TP53TG5: variants seen among roughly 807,000 people sequenced by gnomAD.
TP53TG5 encodes the protein TP53 target 5.
Under a neutral mutation model 30.0 loss-of-function variants are expected in TP53TG5, and 17 were observed. The observed-to-expected ratio is 0.57, with a 90% confidence interval of 0.39 to 0.85. TP53TG5 has a LOEUF of 0.85. Among genes scored for constraint, TP53TG5 ranks in the 40% least tolerant of loss-of-function variants. The pLI is 0.00. For missense variants in TP53TG5, 338 were observed against 367.9 expected (o/e 0.92, Z 0.67); for synonymous variants, 137 against 139.2 (o/e 0.98, Z 0.11).
At chr20:45,378,043 G>A (rs1196432626) in intron 1 of TP53TG5, 146 bp downstream of exon 1, 8 of 1,122,884 alleles carry the variant, frequency 7.1e-6, no homozygotes, top group Non-Finnish European at 9.0e-6. Flanking sequence ...ACAGAACTGG[G>A]AGACCATTTT....
At chr20:45,374,570 C>A in intron 4 of TP53TG5, 1 of 495,602 alleles carries the variant, frequency 2.0e-6, no homozygotes. Context: ...CCATGCCTAG[C>A]CTGTTCAGAG....
chr20:45,375,549 T>G lies in TP53TG5; in HGVS notation c.258A>C (p.Glu86Asp). The change falls in exon 4 of 5, where the codon GAA becomes GAC. Residue 86 changes from glutamate to aspartate, a missense_variant. Transcript: ENST00000372726. Reference sequence around the variant, plus strand: ...GTTTTGTTTTATTGCAGGCACTGTTTTCCCTGGCAGGGAGAGGAAAGGCAG... The same window carrying G: ...GTTTTGTTTTATTGCAGGCACTGTTGTCCCTGGCAGGGAGAGGAAAGGCAG... ...VPKILRISSG[E>D]NSACNKTKQN... is the part of the protein sequence containing the mutation. 1 of 1,604,646 alleles carries G rather than the reference T, an allele frequency of 6.2e-7. No homozygotes were observed. Among genetic ancestry groups the G allele is most frequent in the Non-Finnish European group, 8.5e-7 (1 of 1,178,816 alleles).
rs201572825 is a variant in TP53TG5 at position 45,375,554 on chromosome 20, T to C, written c.255-2A>G. On this transcript the variant is annotated splice_acceptor_variant, in intron 3 of 4. Coordinates refer to ENST00000372726, the MANE Select transcript of TP53TG5 (RefSeq NM_014477.3). LOFTEE classifies it high-confidence loss of function. ...GTTTTATTGCAGGCACTGTTTTCCC[T>C]GGCAGGGAGAGGAAAGGCAGTCAGC... The C allele has an allele frequency of 9.7e-5, 156 of 1,602,498 alleles. No homozygotes were observed. The Middle Eastern group carries it at 1.2e-3, about 12-fold the overall frequency.
In TP53TG5 at chr20:45,373,516, GA is replaced by G; in HGVS notation, c.*390del. ...TCATTTCGCCTTTTCCCTTTCTTGG[GA>G]AAATGGAATGGGGAGCAACCAGGAG... On this transcript the variant is annotated 3_prime_UTR_variant, in exon 5 of 5. Coordinates refer to ENST00000372726, the MANE Select transcript of TP53TG5 (RefSeq NM_014477.3). 3.9e-6 allele frequency: 1 copy of G among 253,648 alleles called. No homozygotes were observed. The highest frequency in any genetic ancestry group is 6.4e-5 in the South Asian group (1 of 15,714). 15.7% of individuals were successfully genotyped at this position (253,648 alleles called of 1,614,324 possible). A position where few individuals can be genotyped will look rare whatever the true frequency, so the allele number is the denominator to read the frequency against.
At position 45,373,357 on chromosome 20, in the gene TP53TG5, A is replaced by G; in HGVS notation, c.*550T>C. On this transcript the variant is annotated 3_prime_UTR_variant, in exon 5 of 5. Transcript: ENST00000372726. ...GGACACATTTGGAGGCCCAGCTGAC[A>G]TCCACTTTTTGACACCAGCCACAGT... The G allele has an allele frequency of 6.1e-6, 1 of 164,184 alleles. No homozygotes were observed. Among genetic ancestry groups the G allele is most frequent in the Admixed American group, 5.7e-5 (1 of 17,670 alleles). 10.2% of individuals were successfully genotyped at this position (164,184 alleles called of 1,614,324 possible).
rs1988634444 is a variant in TP53TG5, at chr20:45,373,897, A to G, written c.*10T>C. The G allele has an allele frequency of 1.9e-6, 3 of 1,612,288 alleles. No homozygotes were observed. Among genetic ancestry groups the G allele is most frequent in the Non-Finnish European group, 2.5e-6 (3 of 1,178,430 alleles). On this transcript the variant is annotated 3_prime_UTR_variant, in exon 5 of 5. Coordinates refer to ENST00000372726, the MANE Select transcript of TP53TG5 (RefSeq NM_014477.3). ...AAGCAGTATTCGTCTTAGGTGCCAT[A>G]TGGAAGATCTTATTTGTAGACTCGT...
chr20:45,374,205 C>G, intron 4 of TP53TG5, 194 bp from the exon 5 acceptor site: 1 of 675,272 alleles, frequency 1.5e-6, no homozygotes, highest in East Asian at 2.7e-5. Context: ...CTTTCATTCT[C>G]CCACGAAAGG....
rs565014185 is a variant in TP53TG5, at chr20:45,377,594, C to T, written c.68G>A (p.Arg23Gln). 32 of 1,613,954 alleles carry T rather than the reference C, an allele frequency of 2.0e-5. No individual in the cohort carries two copies. The highest frequency in any genetic ancestry group is 1.8e-4 in the South Asian group (16 of 91,022). ...GCTCACAGGCTGCTCTGTCTCGTCCCGCAGTTTCTCATCTTGCATCTGAGG... is the reference window on the plus strand; with the variant it reads ...GCTCACAGGCTGCTCTGTCTCGTCCTGCAGTTTCTCATCTTGCATCTGAGG... ...RVSKMQDEKLRDETEQPVSKV... is the reference protein window; with the variant it reads ...RVSKMQDEKLQDETEQPVSKV... The change falls in exon 2 of 5, where the codon CGG (arginine) becomes CAG (glutamine). Residue 23 changes from arginine (R) to glutamine (Q), a missense_variant. Transcript: ENST00000372726.
In TP53TG5 at chr20:45,375,333, C is replaced by T. The variant is rs765606939; in HGVS notation, c.474G>A (p.Glu158=). 5 of 1,614,160 alleles carry T rather than the reference C, an allele frequency of 3.1e-6. No individual in the cohort carries two copies. In the South Asian group the frequency reaches 4.4e-5, roughly 14 times the overall value. Residue 158 remains glutamate, a synonymous_variant, in exon 4 of 5, where the codon GAG becomes GAA. Transcript: ENST00000372726. The part of the protein sequence containing the change: ...MPRKEKHIEP[E]VPRTSRDDSL... The stretch of plus-strand genomic sequence containing the variant: ...TATCATCCCTCGATGTCCTTGGAAC[C>T]TCAGGCTCTATATGCTTTTCTTTCC...
At chr20:45,374,933 C>T in intron 4 of TP53TG5, 106 bp downstream of exon 4, 3 of 1,466,128 alleles carry the variant, frequency 2.0e-6, no homozygotes, top group Non-Finnish European at 1.8e-6. Flanking sequence ...ACCAGCCACA[C>T]ACCACTCAAG....
rs1297145054 is a variant in TP53TG5, at chr20:45,372,674, G to C, written c.*1233C>G. 6.6e-6 allele frequency: 1 copy of C among 152,390 alleles called. No homozygotes were observed. The highest frequency in any genetic ancestry group is 2.4e-5 in the African/African-American group (1 of 41,576). The allele number at this position is 152,390 out of a possible 1,614,324, so 9.4% of individuals were successfully genotyped here. A position where few individuals can be genotyped will look rare whatever the true frequency, so the allele number is the denominator to read the frequency against. On this transcript the variant is annotated 3_prime_UTR_variant, in exon 5 of 5. Coordinates refer to ENST00000372726, the MANE Select transcript of TP53TG5 (RefSeq NM_014477.3). ...AAATGGGCTGGAGTGCAAGCTGGGT[G>C]GGAAGACCGCTGAAAGTGGTTACTG...
chr20:45,374,018 G>A lies in TP53TG5; in HGVS notation c.769-7C>T, dbSNP rs1484992364. The A allele has an allele frequency of 6.2e-7, 1 of 1,613,812 alleles. No homozygotes were observed. Among genetic ancestry groups the A allele is most frequent in the African/African-American group, 1.3e-5 (1 of 75,034 alleles). On this transcript the variant is annotated splice_region_variant and splice_polypyrimidine_tract_variant and intron_variant, in intron 4 of 4. Transcript: ENST00000372726. ...TCGTCCAGGTCACATCAACCTGCCAGCAGAAACCTCGGTGTTAGGCGCTAA... is the reference window on the plus strand; with the variant it reads ...TCGTCCAGGTCACATCAACCTGCCAACAGAAACCTCGGTGTTAGGCGCTAA...
chr20:45,377,484 G>A, intron 2 of TP53TG5, 55 bp downstream of exon 2: 2 of 1,610,716 alleles, frequency 1.2e-6, no homozygotes, highest in Non-Finnish European at 1.7e-6. Flanking sequence ...ACCAGGGGCA[G>A]TACTGCATGA....
Position 45,373,837 on chromosome 20 carries a change from T to G in TP53TG5, c.*70A>C. On this transcript the variant is annotated 3_prime_UTR_variant, in exon 5 of 5. Coordinates refer to ENST00000372726, the MANE Select transcript of TP53TG5 (RefSeq NM_014477.3). ...CTCCCTCTACCGAAGGCCTCTTTCC[T>G]TCATCCTTCCCAGCCCCAGACAAAC... 1 of 1,495,866 alleles carries G rather than the reference T, an allele frequency of 6.7e-7. No homozygotes were observed. The highest frequency in any genetic ancestry group is 1.1e-5 in the South Asian group (1 of 88,664). The allele number at this position is 1,495,866 out of a possible 1,614,324, so 92.7% of individuals were successfully genotyped here. A position where few individuals can be genotyped will look rare whatever the true frequency, so the allele number is the denominator to read the frequency against.
intron 3 of TP53TG5, chr20:45,376,876 G>GGGA (rs201882820): frequency 4.7e-6 from 1 of 211,396 alleles, no homozygotes. Flanking sequence ...TGACTTGCAG[G>GGGA]GGAGGAGGAG....
At chr20:45,375,838 G>A in intron 3 of TP53TG5, 1 of 402,600 alleles carries the variant, frequency 2.5e-6, no homozygotes. Context: ...TGTCTCTCTG[G>A]ACTTCAGCTG....
In TP53TG5 at chr20:45,373,976, G is replaced by T; in HGVS notation, c.804C>A (p.Ser268Arg). ...DVTWTRARGA[S>R]RGWRSRHQLK... ...GCTGATGGCGCGATCTCCACCCTCTGCTCGCACCTCTGGCTCTCGTCCAGG... is the reference window on the plus strand; with the variant it reads ...GCTGATGGCGCGATCTCCACCCTCTTCTCGCACCTCTGGCTCTCGTCCAGG... Residue 268 changes from serine (S) to arginine (R), a missense_variant, in exon 5 of 5, where the codon AGC becomes AGA. Ser to Arg is a moderately radical substitution (Grantham distance 110). Transcript: ENST00000372726. The T allele has an allele frequency of 6.2e-7, 1 of 1,614,010 alleles. No individual in the cohort carries two copies. The highest frequency in any genetic ancestry group is 8.5e-7 in the Non-Finnish European group (1 of 1,180,008).
chr20:45,375,157 C>T lies in TP53TG5; in HGVS notation c.650G>A (p.Arg217Gln), dbSNP rs141630580. Residue 217 changes from arginine (R) to glutamine (Q), a missense_variant, in exon 4 of 5, where the codon CGA becomes CAA. Transcript: ENST00000372726. Reference sequence around the variant, plus strand: ...CACCCTGGGCGCCGGGAGGTGGATTCGTGTGGGCAGCCCCTCAAACCAGAT... The same window carrying T: ...CACCCTGGGCGCCGGGAGGTGGATTTGTGTGGGCAGCCCCTCAAACCAGAT... ...QWIWFEGLPT[R>Q]IHLPAPRVMC... The T allele has an allele frequency of 5.2e-5, 84 of 1,614,070 alleles. No homozygotes were observed. The highest frequency in any genetic ancestry group is 2.0e-4 in the African/African-American group (15 of 74,924).
In TP53TG5 at chr20:45,372,788, CAGG is replaced by C. The variant is rs1280605787; in HGVS notation, c.*1116_*1118del. The C allele has an allele frequency of 6.6e-6, 1 of 152,192 alleles. No homozygotes were observed. The highest frequency in any genetic ancestry group is 2.4e-5 in the African/African-American group (1 of 41,412). 9.4% of individuals were successfully genotyped at this position (152,192 alleles called of 1,614,324 possible). ...AGCTCCAGGAAGATTGCGCTGGGAGCAGGAGCTCGGGAGCACGCAGCAGCCACT... is the reference window on the plus strand; with the variant it reads ...AGCTCCAGGAAGATTGCGCTGGGAGCAGCTCGGGAGCACGCAGCAGCCACT... On this transcript the variant is annotated 3_prime_UTR_variant, in exon 5 of 5. Transcript: ENST00000372726.
Sources: allele counts gnomAD v4.1 joint callset, GRCh38; gene constraint gnomAD v4.1.1; transcripts MANE v1.5; gene names NCBI Gene and HGNC (gene_info 2026-07-23, HGNC 2026-07-21).